EIF2B3: variants seen among roughly 807,000 people sequenced by gnomAD.
EIF2B3 encodes the protein translation initiation factor eIF2B subunit gamma.
EIF2B3 carries 20 observed loss-of-function variants against 54.1 expected under a neutral mutation model. The observed-to-expected ratio is 0.37, with a 90% confidence interval of 0.26 to 0.54. The LOEUF (loss-of-function observed/expected upper bound fraction) is 0.54. Among genes scored for constraint, EIF2B3 ranks in the 20% least tolerant of loss-of-function variants. The probability of loss-of-function intolerance (pLI) is 0.86; values close to 1 mark genes in which losing one functional copy is unlikely to be tolerated. For missense variants in EIF2B3, 448 were observed against 547.8 expected (o/e 0.82, Z 1.82); for synonymous variants, 153 against 188.1 (o/e 0.81, Z 1.52).
In EIF2B3 at chr1:44,917,801, T is replaced by C. The variant is rs577249941; in HGVS notation, c.566+8827A>G. On this transcript the variant is annotated intron_variant, in intron 5 of 11. Transcript: ENST00000360403. Reference sequence around the variant, plus strand: ...TTTTTTTTTTTTTTTTGAGACGGAGTCTTCCTCTGTTGCCCAGGCTGGAGT... The same window carrying C: ...TTTTTTTTTTTTTTTTGAGACGGAGCCTTCCTCTGTTGCCCAGGCTGGAGT... 1.5e-4 allele frequency among the ~76,000 whole-genome samples: 19 copies of C among 127,970 alleles called. No homozygotes were observed. The East Asian group carries it at 2.9e-3, about 20-fold the overall frequency. The allele number at this position is 127,970 out of a possible 152,430, so 84.0% of individuals were successfully genotyped here. A position where few individuals can be genotyped will look rare whatever the true frequency, so the allele number is the denominator to read the frequency against.
chr1:44,936,219 A>T (rs908607359), intron 4 of EIF2B3, among the ~76,000 whole-genome samples: 40 of 151,376 alleles, frequency 2.6e-4, no homozygotes, highest in African/African-American at 6.3e-4. Context: ...TGAGAAAAAA[A>T]TTTTTTTTTC....
At position 44,854,329 on chromosome 1, in the gene EIF2B3, T is replaced by A. The variant is rs769540481; in HGVS notation, c.1307-3326A>T. Among the ~76,000 whole-genome samples, 112 of 152,042 alleles carry A rather than the reference T, an allele frequency of 7.4e-4. 1 individual carries two copies. The highest frequency in any genetic ancestry group is 7.5e-4 in the Non-Finnish European group (51 of 67,978). On this transcript the variant is annotated intron_variant, in intron 11 of 11. Coordinates refer to ENST00000360403, the MANE Select transcript of EIF2B3 (RefSeq NM_020365.5). ...CAGCCATTTTTTAGGTTTTGACTGTTAGCTGTAGCCATTCTACTGCTTGAG... is the reference window on the plus strand; with the variant it reads ...CAGCCATTTTTTAGGTTTTGACTGTAAGCTGTAGCCATTCTACTGCTTGAG...
At chr1:44,924,883 C>A (rs1389186398) in intron 5 of EIF2B3, 1 of 152,074 alleles carries the variant, frequency 6.6e-6, no homozygotes, top group East Asian at 1.9e-4. Context: ...TTCTTGCTTT[C>A]ATTTTGTTTT....
intron 5 of EIF2B3, among the ~76,000 whole-genome samples, chr1:44,911,975 C>T (rs957098089): frequency 1.3e-5 from 2 of 149,544 alleles, no homozygotes; most frequent in Admixed American, 1.4e-4. Context: ...TTTGTTCTTG[C>T]GATAGTTTAC....
intron 3 of EIF2B3, among the ~76,000 whole-genome samples, chr1:44,973,421 T>C (rs1423036853): frequency 2.0e-5 from 3 of 152,196 alleles, no homozygotes; most frequent in Non-Finnish European, 4.4e-5. Flanking sequence ...CTTGAGGATG[T>C]TATGCTAAGT....
intron 5 of EIF2B3, among the ~76,000 whole-genome samples, chr1:44,906,776 C>T (rs758748129): frequency 9.2e-5 from 14 of 152,182 alleles, no homozygotes; most frequent in Non-Finnish European, 2.1e-4. Context: ...TAACTTTCTC[C>T]TAAGTACCAG....
rs899472467 is a variant in EIF2B3 at position 44,981,129 on chromosome 1, A to G, written c.40T>C (p.Ser14Pro). The stretch of plus-strand genomic sequence containing the variant: ...CTGGAAGTTAGGTCTGTCATCCGAG[A>G]TCCTCCACCTACTGCCATCACTACT... ...QAVVMAVGGG[S>P]RMTDLTSSIP... The change falls in exon 2 of 12, where the codon TCT (serine) becomes CCT (proline). Residue 14 changes from serine (S) to proline (P), a missense_variant. This residue lies in a region of EIF2B3 where 95 missense variants were observed against 115.7 expected (regional missense o/e 0.82). Transcript: ENST00000360403. The G allele has an allele frequency of 3.7e-6, 6 of 1,612,966 alleles. No homozygotes were observed. The Admixed American group carries it at 6.7e-5, about 18-fold the overall frequency.
intron 10 of EIF2B3, among the ~76,000 whole-genome samples, chr1:44,867,412 G>C (rs1280164255): frequency 6.6e-6 from 1 of 152,094 alleles, no homozygotes; most frequent in Non-Finnish European, 1.5e-5. Flanking sequence ...TCTCCAAGGT[G>C]GTCCTATTAG....
At position 44,982,607 on chromosome 1, in the gene EIF2B3, T is replaced by C. The variant is rs114222604; in HGVS notation, c.-9-1430A>G. Among the ~76,000 whole-genome samples, 1,389 of 151,174 alleles carry C rather than the reference T, an allele frequency of 9.2e-3. 22 individuals carry two copies. Among genetic ancestry groups the C allele is most frequent in the African/African-American group, 0.031 (1,296 of 41,210 alleles). On this transcript the variant is annotated intron_variant, in intron 1 of 11. Transcript: ENST00000360403. The stretch of plus-strand genomic sequence containing the variant: ...GCCACGTGCCCATCCTATTTATTTA[T>C]TGTTTATTTAGAGACAGAGTCTTGC...
intron 6 of EIF2B3, among the ~76,000 whole-genome samples, chr1:44,884,218 G>C (rs537784638): frequency 2.1e-4 from 32 of 152,292 alleles, no homozygotes; most frequent in Admixed American, 5.9e-4. Flanking sequence ...CAATGTGGAA[G>C]AAAGCCTGGA....
chr1:44,879,224 T>C (rs916686202), intron 8 of EIF2B3, among the ~76,000 whole-genome samples: 13 of 152,130 alleles, frequency 8.5e-5, no homozygotes, highest in African/African-American at 3.1e-4. Context: ...CTGCCTTCAT[T>C]AAGGCCTGGC....
At chr1:44,857,630 C>A in intron 11 of EIF2B3, 74 bp downstream of exon 11, 1 of 1,410,038 alleles carries the variant, frequency 7.1e-7, no homozygotes, top group South Asian at 1.2e-5. Context: ...TTTCCCACAT[C>A]CTCACCAGCC....
chr1:44,888,730 T>A lies in EIF2B3; in HGVS notation c.657-6991A>T, dbSNP rs263963. On this transcript the variant is annotated intron_variant, in intron 6 of 11. Coordinates refer to ENST00000360403, the MANE Select transcript of EIF2B3 (RefSeq NM_020365.5). ...ACGGCCCAGCAAGCTGGTAATAAAT[T>A]TTACTGCAGGTCCTTGAAACAAACA... Among the ~76,000 whole-genome samples, 1,010 of 152,214 alleles carry A rather than the reference T, an allele frequency of 6.6e-3. 13 individuals carry two copies. Among genetic ancestry groups the A allele is most frequent in the African/African-American group, 0.023 (959 of 41,516 alleles).
chr1:44,930,501 A>G (rs761477575), intron 4 of EIF2B3, among the ~76,000 whole-genome samples: 5 of 152,214 alleles, frequency 3.3e-5, no homozygotes, highest in Non-Finnish European at 7.3e-5. Context: ...TTTAGACTTC[A>G]AGAGACTTTG....
chr1:44,982,707 C>T (rs982330894), intron 1 of EIF2B3, among the ~76,000 whole-genome samples: 1 of 152,040 alleles, frequency 6.6e-6, no homozygotes, highest in African/African-American at 2.4e-5. Flanking sequence ...CTAAAGCAAT[C>T]CTCCTGCCCC....
chr1:44,984,900 G>A (rs181147961), intron 1 of EIF2B3, among the ~76,000 whole-genome samples: 1 of 138,508 alleles, frequency 7.2e-6, no homozygotes, highest in East Asian at 2.2e-4. Flanking sequence ...TCCGCTTCCC[G>A]GGTTCACGCC....
intron 3 of EIF2B3, among the ~76,000 whole-genome samples, chr1:44,944,093 G>A (rs888897293): frequency 4.0e-5 from 6 of 151,890 alleles, no homozygotes; most frequent in Admixed American, 2.0e-4. Context: ...GCAGTGGGCC[G>A]AGATAGCACC....
intron 10 of EIF2B3, 37 bp from the exon 11 acceptor site, chr1:44,857,844 C>T: frequency 6.3e-7 from 1 of 1,589,372 alleles, no homozygotes; most frequent in Admixed American, 1.7e-5. Flanking sequence ...GGACCCAAGG[C>T]TCGCATCACC....
intron 10 of EIF2B3, among the ~76,000 whole-genome samples, chr1:44,872,947 G>C (rs1188359184): frequency 6.6e-6 from 1 of 152,166 alleles, no homozygotes; most frequent in Non-Finnish European, 1.5e-5. Flanking sequence ...TGCTTGAGAG[G>C]GGTCTCTATT....
Sources: allele counts gnomAD v4.1 joint callset (sites outside exome capture counted in the v4.1 genomes callset), GRCh38; gene constraint gnomAD v4.1.1; regional missense constraint gnomAD v4.1.1; transcripts MANE v1.5; gene names NCBI Gene and HGNC (gene_info 2026-07-23, HGNC 2026-07-21).